DGKB: variants seen among roughly 807,000 people sequenced by gnomAD.
DGKB encodes diacylglycerol kinase beta, also known as 90 kDa diacylglycerol kinase.
Under a neutral mutation model 114.3 loss-of-function variants are expected in DGKB, and 67 were observed. The ratio of observed to expected loss-of-function variants is 0.59; its 90% CI spans 0.48 to 0.72. DGKB has a LOEUF of 0.72. Among genes scored for constraint, DGKB ranks in the 30% least tolerant of loss-of-function variants. The probability of loss-of-function intolerance (pLI) is 0.00; values close to 1 mark genes in which losing one functional copy is unlikely to be tolerated. For missense variants in DGKB, 907 were observed against 975.2 expected (o/e 0.93, Z 0.93); for synonymous variants, 398 against 323.1 (o/e 1.23, Z -2.49).
intron 1 of DGKB, among the ~76,000 whole-genome samples, chr7:14,942,116 A>AC (rs1785599237): frequency 6.6e-6 from 1 of 151,286 alleles, no homozygotes; most frequent in African/African-American, 2.4e-5. Flanking sequence ...GATTAAAAAA[A>AC]CTTTTTTTTT....
At chr7:14,802,800 C>T (rs1842339760) in intron 2 of DGKB, among the ~76,000 whole-genome samples, 1 of 152,114 alleles carries the variant, frequency 6.6e-6, no homozygotes, top group Non-Finnish European at 1.5e-5. Context: ...AAAATAGCTA[C>T]ATTCCTGAAA....
At chr7:14,864,913 G>T (rs1257981740) in intron 1 of DGKB, among the ~76,000 whole-genome samples, 1 of 152,122 alleles carries the variant, frequency 6.6e-6, no homozygotes, top group Non-Finnish European at 1.5e-5. Flanking sequence ...TCATTTTCCA[G>T]ACAGAATTCT....
At chr7:14,612,741 A>G (rs745511533) in intron 16 of DGKB, among the ~76,000 whole-genome samples, 3 of 152,142 alleles carry the variant, frequency 2.0e-5, no homozygotes, top group Non-Finnish European at 2.9e-5. Context: ...TTAGGAAGAC[A>G]TAAGATTTAC....
At chr7:14,471,914 C>G (rs868683281) in intron 21 of DGKB, among the ~76,000 whole-genome samples, 1 of 151,986 alleles carries the variant, frequency 6.6e-6, no homozygotes, top group Non-Finnish European at 1.5e-5. Context: ...GAAAGTAGTA[C>G]AGAAATAAAT....
At chr7:14,677,778 C>G (rs755393280) in intron 12 of DGKB, among the ~76,000 whole-genome samples, 7 of 151,932 alleles carry the variant, frequency 4.6e-5, no homozygotes, top group African/African-American at 1.7e-4. Flanking sequence ...GAATATTTTG[C>G]CTGTCACAGA....
chr7:14,717,349 C>G (rs1197482290), intron 6 of DGKB, among the ~76,000 whole-genome samples: 1 of 152,028 alleles, frequency 6.6e-6, no homozygotes, highest in Non-Finnish European at 1.5e-5. Context: ...CTGATAACAC[C>G]TGAGCAAACT....
At chr7:14,586,946 A>C (rs2128736722) in intron 17 of DGKB, among the ~76,000 whole-genome samples, 1 of 152,214 alleles carries the variant, frequency 6.6e-6, no homozygotes, top group South Asian at 2.1e-4. Context: ...CAGAAAGATG[A>C]ATGTTGTTTT....
intron 1 of DGKB, among the ~76,000 whole-genome samples, chr7:14,916,723 T>A (rs1463170883): frequency 6.6e-6 from 1 of 152,090 alleles, no homozygotes; most frequent in Non-Finnish European, 1.5e-5. Flanking sequence ...TAACAGCTAT[T>A]GACAGCTCCA....
intron 13 of DGKB, among the ~76,000 whole-genome samples, chr7:14,647,793 T>A (rs76513117): frequency 0.14 from 21,541 of 152,160 alleles, 2,275 homozygotes; most frequent in East Asian, 0.5. Flanking sequence ...GCGCGCACCA[T>A]GCGCGAGCCG....
rs554086557 is a variant in DGKB at position 14,190,994 on chromosome 7, C to T, written c.2123-12843G>A. The T allele has an allele frequency of 1.3e-3, 199 of 154,448 alleles. 3 individuals carry two copies. The highest frequency in any genetic ancestry group is 5.5e-4 in the South Asian group (3 of 5,406). 9.6% of individuals were successfully genotyped at this position (154,448 alleles called of 1,614,324 possible). A position where few individuals can be genotyped will look rare whatever the true frequency, so the allele number is the denominator to read the frequency against. ...CCTGGGTCTTAGATAAACTGAAAGC[C>T]GAACCTGAACATGGTATCACCATTG... On this transcript the variant is annotated intron_variant, in intron 23 of 25. Transcript: ENST00000402815.
In DGKB at chr7:14,155,308, G is replaced by T. The variant is rs1038975815; in HGVS notation, c.2305-6070C>A. On this transcript the variant is annotated intron_variant, in intron 25 of 25. Coordinates refer to ENST00000402815, the MANE Select transcript of DGKB (RefSeq NM_001350709.2). ...CCAGCCTACCTTATTTTAGTGTGGA[G>T]GATTGCAAGTTGAATAGATACATAT... 2.6e-5 allele frequency among the ~76,000 whole-genome samples: 4 copies of T among 152,164 alleles called. No individual in the cohort carries two copies. The East Asian group carries it at 7.7e-4, about 29-fold the overall frequency.
At position 14,330,125 on chromosome 7, in the gene DGKB, A is replaced by G. The variant is rs1344219534; in HGVS notation, c.2122+8390T>C. On this transcript the variant is annotated intron_variant, in intron 23 of 25. Coordinates refer to ENST00000402815, the MANE Select transcript of DGKB (RefSeq NM_001350709.2). ...GCTAGAAATATAGAAGGGTTTTAGA[A>G]TAGCATGTAGAATTTTGAAAATAAA... 2.6e-5 allele frequency among the ~76,000 whole-genome samples: 4 copies of G among 152,048 alleles called. No homozygotes were observed. In the South Asian group the frequency reaches 6.2e-4, roughly 24 times the overall value.
intron 17 of DGKB, among the ~76,000 whole-genome samples, chr7:14,601,855 T>C (rs1330371183): frequency 6.6e-6 from 1 of 152,184 alleles, no homozygotes; most frequent in African/African-American, 2.4e-5. Context: ...TCCATATTTC[T>C]AGCAACATTT....
intron 8 of DGKB, 140 bp from the exon 9 acceptor site, chr7:14,694,334 A>C (rs1823435960): frequency 1.4e-6 from 1 of 734,054 alleles, no homozygotes; most frequent in Non-Finnish European, 2.2e-6. Context: ...CATTAATTCT[A>C]TTACTGATGA....
intron 1 of DGKB, among the ~76,000 whole-genome samples, chr7:14,962,591 T>C (rs1786911296): frequency 6.6e-6 from 1 of 151,936 alleles, no homozygotes; most frequent in Admixed American, 6.6e-5. Context: ...GATTAATATT[T>C]ATGGAGTGCT....
chr7:14,965,948 A>G (rs980338933), intron 1 of DGKB, among the ~76,000 whole-genome samples: 1 of 152,084 alleles, frequency 6.6e-6, no homozygotes, highest in Non-Finnish European at 1.5e-5. Context: ...TGTCAAAAAA[A>G]ACTATATCCT....
rs551618345 is a variant in DGKB, at chr7:14,689,199, A to ATTTTTT, written c.712-3843_712-3838dup. 4.4e-3 allele frequency among the ~76,000 whole-genome samples: 336 copies of ATTTTTT among 76,512 alleles called. 49 individuals carry two copies. The highest frequency in any genetic ancestry group is 0.012 in the African/African-American group (288 of 24,234). 50.2% of individuals were successfully genotyped at this position (76,512 alleles called of 152,430 possible). A position where few individuals can be genotyped will look rare whatever the true frequency, so the allele number is the denominator to read the frequency against. ...TGACAATGTGACAGAAACTCCTCTT[A>ATTTTTT]TTTTTTTTTTTTTTTTTTTTTTTTT... is the stretch of plus-strand genomic sequence containing the variant. On this transcript the variant is annotated intron_variant, in intron 9 of 25. Coordinates refer to ENST00000402815, the MANE Select transcript of DGKB (RefSeq NM_001350709.2).
chr7:14,169,889 C>T (rs1780592045), intron 25 of DGKB, among the ~76,000 whole-genome samples: 2 of 152,022 alleles, frequency 1.3e-5, no homozygotes, highest in South Asian at 2.1e-4. Flanking sequence ...AATCCCAGCA[C>T]TTTGGGCAGC....
At chr7:14,689,652 G>A (rs1350545409) in intron 9 of DGKB, among the ~76,000 whole-genome samples, 1 of 152,078 alleles carries the variant, frequency 6.6e-6, no homozygotes, top group Non-Finnish European at 1.5e-5. Context: ...ACACCACGTA[G>A]TCATTTTTCT....
Sources: allele counts gnomAD v4.1 joint callset (sites outside exome capture counted in the v4.1 genomes callset), GRCh38; gene constraint gnomAD v4.1.1; transcripts MANE v1.5; gene names NCBI Gene and HGNC (gene_info 2026-07-23, HGNC 2026-07-21).